The following STK32B variants were observed in gnomAD, a reference collection of about 807,000 sequenced individuals.
STK32B encodes the protein serine/threonine kinase 32B, also known as serine/threonine-protein kinase 32B.
A neutral mutation model predicts 52.6 loss-of-function variants in STK32B; 43 were observed. The observed-to-expected ratio is 0.82, with a 90% CI of 0.64 to 1.05. The LOEUF (loss-of-function observed/expected upper bound fraction) is 1.05, where lower values mean the gene tolerates loss of function less well. STK32B is among the 50% of genes least tolerant of loss of function. The pLI is 0.00. For missense variants in STK32B, 621 were observed against 534.6 expected (o/e 1.16, Z -1.59); for synonymous variants, 238 against 204.3 (o/e 1.17, Z -1.41).
chr4:5,125,576 C>T (rs1479166901), intron 1 of STK32B, among the ~76,000 whole-genome samples: 2 of 152,326 alleles, frequency 1.3e-5, no homozygotes, highest in East Asian at 1.9e-4. Context: ...AGATGCCCAG[C>T]AGGCTGAGCC....
chr4:5,459,755 A>G (rs979836780), intron 8 of STK32B, among the ~76,000 whole-genome samples: 1 of 152,214 alleles, frequency 6.6e-6, no homozygotes, highest in Non-Finnish European at 1.5e-5. Context: ...AAGATGAGGC[A>G]GCTAATTCTT....
chr4:5,284,051 A>G (rs554594817), intron 3 of STK32B, among the ~76,000 whole-genome samples: 88 of 152,322 alleles, frequency 5.8e-4, no homozygotes, highest in African/African-American at 2.0e-3. Flanking sequence ...TAGGCGTACA[A>G]ATTACAAAAA....
chr4:5,345,130 T>A (rs1733365761), intron 4 of STK32B, among the ~76,000 whole-genome samples: 2 of 152,062 alleles, frequency 1.3e-5, no homozygotes, highest in Non-Finnish European at 2.9e-5. Context: ...CTAATTTTTA[T>A]ACAATTTATC....
chr4:5,055,753 TC>T (rs921166767), intron 1 of STK32B, among the ~76,000 whole-genome samples: 9 of 151,566 alleles, frequency 5.9e-5, no homozygotes, highest in Admixed American at 4.6e-4. Flanking sequence ...CGAGGGCATC[TC>T]CCCCCCAGCC....
intron 9 of STK32B, among the ~76,000 whole-genome samples, chr4:5,462,656 A>G (rs1460880320): frequency 5.9e-5 from 9 of 152,210 alleles, no homozygotes; most frequent in Non-Finnish European, 2.9e-5. Context: ...GGGAGCTTAC[A>G]GACAACAGTG....
intron 3 of STK32B, among the ~76,000 whole-genome samples, chr4:5,173,571 C>T (rs1719571682): frequency 6.6e-6 from 1 of 152,144 alleles, no homozygotes; most frequent in East Asian, 1.9e-4. Context: ...ACCCAGTAGT[C>T]ATTCAGGAGC....
chr4:5,421,697 C>T (rs992713052), intron 6 of STK32B, among the ~76,000 whole-genome samples: 5 of 152,240 alleles, frequency 3.3e-5, no homozygotes, highest in Non-Finnish European at 5.9e-5. Flanking sequence ...GAAAGCAGAG[C>T]CATGGGGACC....
At chr4:5,208,794 G>A (rs1309906579) in intron 3 of STK32B, among the ~76,000 whole-genome samples, 1 of 152,148 alleles carries the variant, frequency 6.6e-6, no homozygotes, top group Non-Finnish European at 1.5e-5. Flanking sequence ...ATTAATTTGG[G>A]TAAATCCATT....
intron 3 of STK32B, among the ~76,000 whole-genome samples, chr4:5,219,612 G>C (rs1723396788): frequency 6.6e-6 from 1 of 152,224 alleles, no homozygotes; most frequent in African/African-American, 2.4e-5. Context: ...GATCCTCTGG[G>C]TGCCCTCCTC....
At chr4:5,154,594 A>C (rs1351197577) in intron 2 of STK32B, among the ~76,000 whole-genome samples, 1 of 152,156 alleles carries the variant, frequency 6.6e-6, no homozygotes, top group Non-Finnish European at 1.5e-5. Context: ...GGGTATCCAC[A>C]TGGAGGAACA....
At chr4:5,147,358 T>G (rs1464049787) in intron 2 of STK32B, among the ~76,000 whole-genome samples, 1 of 152,156 alleles carries the variant, frequency 6.6e-6, no homozygotes, top group Non-Finnish European at 1.5e-5. Context: ...AGATTTTCTG[T>G]CAACAATCAT....
intron 3 of STK32B, among the ~76,000 whole-genome samples, chr4:5,240,641 G>A (rs1724959637): frequency 6.6e-6 from 1 of 152,028 alleles, no homozygotes; most frequent in Non-Finnish European, 1.5e-5. Context: ...TGTATTTTTA[G>A]GAGAGATGTG....
chr4:5,385,267 C>A (rs577915830), intron 4 of STK32B, among the ~76,000 whole-genome samples: 1 of 151,816 alleles, frequency 6.6e-6, no homozygotes, highest in East Asian at 2.0e-4. Flanking sequence ...CTGTGAATTC[C>A]GAGGGGACAG....
chr4:5,164,328 G>A (rs1577127943), intron 2 of STK32B, among the ~76,000 whole-genome samples: 2 of 152,056 alleles, frequency 1.3e-5, no homozygotes, highest in African/African-American at 2.4e-5. Flanking sequence ...CTCTGCATCC[G>A]TCCTCACATA....
chr4:5,346,287 G>T (rs1733452392), intron 4 of STK32B, among the ~76,000 whole-genome samples: 1 of 152,152 alleles, frequency 6.6e-6, no homozygotes, highest in Non-Finnish European at 1.5e-5. Context: ...TTTTGACAAA[G>T]GCTCATCGCT....
intron 3 of STK32B, among the ~76,000 whole-genome samples, chr4:5,257,345 AAGTG>A (rs1726390542): frequency 1.3e-5 from 2 of 151,786 alleles, no homozygotes; most frequent in Non-Finnish European, 2.9e-5. Flanking sequence ...GTGAGCAAGT[AAGTG>A]GGTGAGTGAA....
chr4:5,295,295 G>C (rs1331803610), intron 3 of STK32B, among the ~76,000 whole-genome samples: 1 of 152,118 alleles, frequency 6.6e-6, no homozygotes, highest in Non-Finnish European at 1.5e-5. Flanking sequence ...CATAAAACGA[G>C]TTATGGAGGA....
At chr4:5,229,413 A>G (rs11728257) in intron 3 of STK32B, among the ~76,000 whole-genome samples, 28,942 of 152,096 alleles carry the variant, frequency 0.19, 3,223 homozygotes, top group East Asian at 0.36. Flanking sequence ...TACAAATTCA[A>G]TGAGATAAAT....
At position 5,051,673 on chromosome 4, in the gene STK32B, G is replaced by A. The variant is rs1366456810; in HGVS notation, c.-191G>A. On this transcript the variant is annotated 5_prime_UTR_variant, in exon 1 of 12. Coordinates refer to ENST00000282908, the MANE Select transcript of STK32B (RefSeq NM_018401.3). ...CGAGAGCGGGGTCCCTGCGAGCGCAGTCGGAAGGGCGTCCAGGAGAAGGGG... is the reference window on the plus strand; with the variant it reads ...CGAGAGCGGGGTCCCTGCGAGCGCAATCGGAAGGGCGTCCAGGAGAAGGGG... 7 of 648,042 alleles carry A rather than the reference G, an allele frequency of 1.1e-5. No individual in the cohort carries two copies. The allele number at this position is 648,042 out of a possible 1,614,324, so 40.1% of individuals were successfully genotyped here. A position where few individuals can be genotyped will look rare whatever the true frequency, so the allele number is the denominator to read the frequency against.
Sources: allele counts gnomAD v4.1 joint callset (sites outside exome capture counted in the v4.1 genomes callset), GRCh38; gene constraint gnomAD v4.1.1; transcripts MANE v1.5; gene names NCBI Gene and HGNC (gene_info 2026-07-23, HGNC 2026-07-21).